Variants in CCDC14 observed in about 807,000 individuals in gnomAD.
The protein encoded by CCDC14 is coiled-coil domain containing 14.
A neutral mutation model predicts 81.4 loss-of-function variants in CCDC14; 71 were observed. The observed-to-expected ratio is 0.87, with a 90% CI of 0.72 to 1.06. The LOEUF (loss-of-function observed/expected upper bound fraction) is 1.06. Ranked by LOEUF, CCDC14 falls within the 50% of genes least tolerant of loss-of-function variation. CCDC14 has a pLI of 0.00. For missense variants in CCDC14, 1,046 were observed against 1,047.3 expected (o/e 1.00, Z 0.02); for synonymous variants, 332 against 364.8 (o/e 0.91, Z 1.03).
chr3:123,956,522 TC>T, intron 2 of CCDC14, 95 bp from the exon 3 acceptor site: 1 of 903,332 alleles, frequency 1.1e-6, no homozygotes, highest in Non-Finnish European at 1.7e-6. Context: ...AGAAAGCTTG[TC>T]CAACCATGTA....
chr3:123,911,282 C>T (rs1014555970), downstream of CCDC14, among the ~76,000 whole-genome samples: 1 of 152,028 alleles, frequency 6.6e-6, no homozygotes, highest in African/African-American at 2.4e-5. Context: ...AAATAGTGCC[C>T]GGTTCTCTAC....
At chr3:123,940,089 AG>A (rs2036270919) in intron 9 of CCDC14, among the ~76,000 whole-genome samples, 1 of 151,816 alleles carries the variant, frequency 6.6e-6, no homozygotes, top group Non-Finnish European at 1.5e-5. Flanking sequence ...TAAGGGTAGT[AG>A]GAGACACTGA....
rs1204510382 is a variant in CCDC14, at chr3:123,913,976, T to C, written c.*803A>G. ...CTAACATGCTGGGAGAAAAAATTCT[T>C]CCAAAAAGGCAGAATTACAATCAAT... On this transcript the variant is annotated 3_prime_UTR_variant, in exon 13 of 13. Transcript: ENST00000409697. 4 of 985,350 alleles carry C rather than the reference T, an allele frequency of 4.1e-6. No homozygotes were observed. The highest frequency in any genetic ancestry group is 4.8e-6 in the Non-Finnish European group (4 of 829,726). 61.0% of individuals were successfully genotyped at this position (985,350 alleles called of 1,614,324 possible).
chr3:123,950,100 T>C (rs889955346), intron 5 of CCDC14, among the ~76,000 whole-genome samples: 31 of 152,234 alleles, frequency 2.0e-4, no homozygotes, highest in African/African-American at 7.2e-4. Flanking sequence ...ACAATCTGAA[T>C]ACTATTTCCC....
intron 12 of CCDC14, among the ~76,000 whole-genome samples, chr3:123,925,684 C>A (rs2035322906): frequency 6.6e-6 from 1 of 152,166 alleles, no homozygotes; most frequent in African/African-American, 2.4e-5. Flanking sequence ...GATCTGCCCA[C>A]CTTGGCCTCC....
At chr3:123,909,611 T>C (rs1419278609), downstream of CCDC14, among the ~76,000 whole-genome samples, 2 of 152,234 alleles carry the variant, frequency 1.3e-5, no homozygotes, top group Admixed American at 1.3e-4. Flanking sequence ...GTGTCTATTA[T>C]AGTACACACA....
chr3:123,960,818 T>C (rs1000311192), intron 1 of CCDC14, among the ~76,000 whole-genome samples: 3 of 152,168 alleles, frequency 2.0e-5, no homozygotes, highest in African/African-American at 4.8e-5. Context: ...CAGTAAAAAG[T>C]AGTAGACTCT....
intron 12 of CCDC14, among the ~76,000 whole-genome samples, chr3:123,916,283 G>A (rs2034683163): frequency 6.6e-6 from 1 of 152,056 alleles, no homozygotes; most frequent in Non-Finnish European, 1.5e-5. Flanking sequence ...ACAGGTATAA[G>A]CCACCATACC....
intron 9 of CCDC14, among the ~76,000 whole-genome samples, chr3:123,938,135 A>G (rs2036157606): frequency 6.6e-6 from 1 of 151,882 alleles, no homozygotes; most frequent in Non-Finnish European, 1.5e-5. Context: ...ATTTCCATGT[A>G]AACTTTAGAA....
intron 5 of CCDC14, among the ~76,000 whole-genome samples, chr3:123,952,055 GA>G (rs1273363851): frequency 6.6e-6 from 1 of 152,148 alleles, no homozygotes; most frequent in African/African-American, 2.4e-5. Flanking sequence ...AAATACAAAT[GA>G]AGTATATTTT....
intron 2 of CCDC14, 98 bp downstream of exon 2, chr3:123,956,642 G>C: frequency 1.1e-6 from 1 of 931,252 alleles, no homozygotes; most frequent in Non-Finnish European, 1.6e-6. Context: ...TGATGGTAGA[G>C]GCCTACCTAA....
intron 12 of CCDC14, among the ~76,000 whole-genome samples, chr3:123,917,477 A>G (rs1178863521): frequency 2.6e-5 from 4 of 151,356 alleles, no homozygotes; most frequent in Non-Finnish European, 5.9e-5. Flanking sequence ...CCTGGGCAAC[A>G]GGGCGAAACT....
chr3:123,919,847 C>G (rs2682254), intron 12 of CCDC14, among the ~76,000 whole-genome samples: 18,441 of 152,076 alleles, frequency 0.12, 2,691 homozygotes, highest in East Asian at 0.36. Flanking sequence ...GCATAGACAC[C>G]AATGCAAGGA....
intron 12 of CCDC14, among the ~76,000 whole-genome samples, chr3:123,924,162 C>T (rs896360049): frequency 2.6e-5 from 4 of 151,992 alleles, no homozygotes; most frequent in Admixed American, 2.0e-4. Flanking sequence ...ATTGATTTTT[C>T]ACAAAGGTGA....
At chr3:123,908,166 A>T (rs1249049717) in intron 5 of CCDC14, among the ~76,000 whole-genome samples, 1 of 152,176 alleles carries the variant, frequency 6.6e-6, no homozygotes, top group East Asian at 1.9e-4. Context: ...AGAAAGAGCA[A>T]CCCAAAGCTA....
Position 123,956,084 on chromosome 3 carries a change from G to A in CCDC14, c.191C>T (p.Ala64Val). 1.3e-6 allele frequency: 2 copies of A among 1,546,246 alleles called. No individual in the cohort carries two copies. Among genetic ancestry groups the A allele is most frequent in the Non-Finnish European group, 1.7e-6 (2 of 1,145,306 alleles). Residue 64 changes from alanine to valine, a missense_variant, in exon 4 of 13, where the codon GCT becomes GTT. Coordinates refer to ENST00000409697, the MANE Select transcript of CCDC14 (RefSeq NM_001366335.1). Reference protein sequence around the residue: ...AETVHGLDGCASLLRDILRNE... With the variant: ...AETVHGLDGCVSLLRDILRNE... ...TCTCAAAATGTCCCTCAGCAAAGAA[G>A]CACAACCATCAAGCCCGTGTACAGT...
In CCDC14 at chr3:123,914,139, C is replaced by T; in HGVS notation, c.*640G>A. Reference sequence around the variant, plus strand: ...TATCAGTCTGACTATTCTTTAAAGGCCTTAAAACATGAATTTGGGATAAAA... The same window carrying T: ...TATCAGTCTGACTATTCTTTAAAGGTCTTAAAACATGAATTTGGGATAAAA... On this transcript the variant is annotated 3_prime_UTR_variant, in exon 13 of 13. Transcript: ENST00000409697. The T allele has an allele frequency of 4.1e-6, 4 of 985,438 alleles. No homozygotes were observed. Among genetic ancestry groups the T allele is most frequent in the Non-Finnish European group, 4.8e-6 (4 of 829,730 alleles). The allele number at this position is 985,438 out of a possible 1,614,324, so 61.0% of individuals were successfully genotyped here.
intron 5 of CCDC14, among the ~76,000 whole-genome samples, chr3:123,899,775 G>A (rs950273133): frequency 5.3e-5 from 8 of 152,120 alleles, no homozygotes; most frequent in African/African-American, 1.9e-4. Flanking sequence ...CTCTGTAAAC[G>A]TCTGTAGCTG....
intron 12 of CCDC14, among the ~76,000 whole-genome samples, chr3:123,927,269 T>A (rs60041651): frequency 0.011 from 1,207 of 113,312 alleles, 11 homozygotes; most frequent in African/African-American, 0.032. Context: ...AAAAAAAAAA[T>A]AGCTGGGCAC....
Sources: gnomAD v4.1 joint callset for allele counts (sites outside exome capture counted in the v4.1 genomes callset) on GRCh38, gnomAD v4.1.1 for gene constraint, MANE v1.5 for transcripts, NCBI Gene and HGNC (gene_info 2026-07-23, HGNC 2026-07-21) for gene names.